The following IFI16 variants were observed in gnomAD, a reference collection of about 807,000 sequenced individuals.
The protein encoded by IFI16 is interferon gamma inducible protein 16.
Under a neutral mutation model 68.4 loss-of-function variants are expected in IFI16, and 49 were observed. The ratio of observed to expected loss-of-function variants is 0.72; its 90% CI spans 0.57 to 0.91. The LOEUF (loss-of-function observed/expected upper bound fraction) is 0.91, where lower values mean the gene tolerates loss of function less well. Among genes scored for constraint, IFI16 ranks in the 40% least tolerant of loss-of-function variants. The pLI is 0.00. For missense variants in IFI16, 878 were observed against 942.9 expected (o/e 0.93, Z 0.90); for synonymous variants, 307 against 315.0 (o/e 0.97, Z 0.27).
At chr1:159,006,566 G>T (rs1652267174), upstream of IFI16, among the ~76,000 whole-genome samples, 2 of 152,144 alleles carry the variant, frequency 1.3e-5, no homozygotes, top group African/African-American at 4.8e-5. Flanking sequence ...ACTAAAGGGG[G>T]TTGGGTAAGG....
chr1:159,020,311 C>A (rs764301901), intron 5 of IFI16, 30 bp from the exon 6 acceptor site: 18 of 1,524,570 alleles, frequency 1.2e-5, no homozygotes, highest in Non-Finnish European at 1.6e-5. Context: ...ATTACATTCT[C>A]AGGAACAGAA....
At chr1:159,028,392 A>AT (rs531096902) in intron 6 of IFI16, among the ~76,000 whole-genome samples, 183 of 150,064 alleles carry the variant, frequency 1.2e-3, no homozygotes, top group African/African-American at 2.0e-3. Context: ...TATAATTTCA[A>AT]TTTTTTTTTT....
upstream of IFI16, among the ~76,000 whole-genome samples, chr1:159,002,554 T>C (rs763478171): frequency 3.1e-4 from 47 of 152,354 alleles, no homozygotes; most frequent in Middle Eastern, 6.8e-3. Context: ...ACCGTTACTA[T>C]TACCTCATAC....
intron 9 of IFI16, among the ~76,000 whole-genome samples, chr1:159,050,368 T>C (rs776305225): frequency 2.6e-5 from 4 of 152,208 alleles, no homozygotes; most frequent in Non-Finnish European, 4.4e-5. Context: ...TCAGAGTAGC[T>C]TTATAATTAT....
chr1:159,018,712 A>T, intron 5 of IFI16, 61 bp downstream of exon 5: 25 of 1,160,550 alleles, frequency 2.2e-5, no homozygotes, highest in Non-Finnish European at 3.0e-5. Context: ...AAAAGTCTTG[A>T]TGTGTGAGAT....
intron 6 of IFI16, among the ~76,000 whole-genome samples, chr1:159,027,255 A>T (rs1379370461): frequency 6.6e-6 from 1 of 152,090 alleles, no homozygotes; most frequent in Admixed American, 6.5e-5. Context: ...GATTTTGTCA[A>T]ATGCTTTTTT....
chr1:159,022,334 T>G (rs1653388441), intron 6 of IFI16, among the ~76,000 whole-genome samples: 1 of 152,218 alleles, frequency 6.6e-6, no homozygotes, highest in Admixed American at 6.5e-5. Context: ...ATAAATAGCA[T>G]TTGAATATCA....
intron 10 of IFI16, chr1:159,053,272 G>A (rs1557884869): frequency 3.4e-6 from 1 of 293,828 alleles, no homozygotes; most frequent in Non-Finnish European, 6.3e-6. Flanking sequence ...GTGGAAACAG[G>A]AAGAATTAGG....
chr1:159,006,551 T>C (rs886950636), upstream of IFI16, among the ~76,000 whole-genome samples: 1 of 152,280 alleles, frequency 6.6e-6, no homozygotes, highest in African/African-American at 2.4e-5. Flanking sequence ...CCAGGCCAAC[T>C]CCTTACTAAA....
At position 159,032,611 on chromosome 1, in the gene IFI16, G is replaced by T. The variant is rs1281535672; in HGVS notation, c.1249G>T (p.Ala417Ser). 8 of 1,612,568 alleles carry T rather than the reference G, an allele frequency of 5.0e-6. No homozygotes were observed. The highest frequency in any genetic ancestry group is 6.8e-6 in the Non-Finnish European group (8 of 1,179,276). The change falls in exon 7 of 12, where the codon GCC becomes TCC. Residue 417 changes from alanine (A) to serine (S), a missense_variant. Around this residue, in one of 4 missense-constraint regions of IFI16, gnomAD observed 443 missense variants for 421.8 expected, o/e 1.05. Transcript: ENST00000295809. ...GCGTCAGCTTCCATATCCTTCAGAGGCCAGCACAACCTTCCCTGAGAGCCA... is the reference window on the plus strand; with the variant it reads ...GCGTCAGCTTCCATATCCTTCAGAGTCCAGCACAACCTTCCCTGAGAGCCA... ...EQRQLPYPSE[A>S]STTFPESHLR...
At chr1:159,047,190 G>C (rs532154912) in intron 8 of IFI16, among the ~76,000 whole-genome samples, 20 of 151,382 alleles carry the variant, frequency 1.3e-4, no homozygotes, top group Non-Finnish European at 1.9e-4. Context: ...CCCGGCCCAG[G>C]TTGCGGACCC....
At chr1:159,050,084 A>C (rs1340374670) in intron 9 of IFI16, among the ~76,000 whole-genome samples, 1 of 152,230 alleles carries the variant, frequency 6.6e-6, no homozygotes, top group Non-Finnish European at 1.5e-5. Context: ...TATACCTTTC[A>C]GTATGTATAT....
At chr1:159,042,656 C>T (rs1371547610) in intron 7 of IFI16, among the ~76,000 whole-genome samples, 1 of 152,170 alleles carries the variant, frequency 6.6e-6, no homozygotes, top group South Asian at 2.1e-4. Context: ...TCATTGTTTG[C>T]CTTCATAGGT....
chr1:159,028,945 G>A (rs1357643086), intron 6 of IFI16, among the ~76,000 whole-genome samples: 2 of 152,062 alleles, frequency 1.3e-5, no homozygotes, highest in Non-Finnish European at 2.9e-5. Context: ...TCATTTTGCT[G>A]TTCTGTATGC....
intron 11 of IFI16, among the ~76,000 whole-genome samples, chr1:159,054,481 C>G (rs557041860): frequency 5.9e-5 from 9 of 152,292 alleles, no homozygotes; most frequent in Non-Finnish European, 1.0e-4. Flanking sequence ...GTACTCTCCC[C>G]CTTCCTTCTG....
At chr1:159,034,297 A>G (rs554418150) in intron 7 of IFI16, among the ~76,000 whole-genome samples, 1 of 152,170 alleles carries the variant, frequency 6.6e-6, no homozygotes, top group Non-Finnish European at 1.5e-5. Flanking sequence ...CTCACTATTA[A>G]TTAAGTATAT....
At chr1:159,018,139 G>T in intron 4 of IFI16, 90 bp from the exon 5 acceptor site, 1 of 1,068,480 alleles carries the variant, frequency 9.4e-7, no homozygotes, top group East Asian at 2.4e-5. Context: ...GCAAGTTTTG[G>T]GGCCCTGTGT....
intron 8 of IFI16, 93 bp from the exon 9 acceptor site, chr1:159,049,339 C>G: frequency 1.5e-6 from 1 of 654,582 alleles, no homozygotes; most frequent in Non-Finnish European, 2.6e-6. Flanking sequence ...AAGTGAACAT[C>G]CTATTTAAAA....
At chr1:159,029,956 A>C (rs2101865017) in intron 6 of IFI16, among the ~76,000 whole-genome samples, 1 of 82,494 alleles carries the variant, frequency 1.2e-5, no homozygotes, top group South Asian at 4.0e-4. Context: ...TGCTGGGATT[A>C]CAGGCATGAG....
Sources: gnomAD v4.1 joint callset for allele counts (sites outside exome capture counted in the v4.1 genomes callset) on GRCh38, gnomAD v4.1.1 for gene constraint, gnomAD v4.1.1 regional missense constraint, MANE v1.5 for transcripts, NCBI Gene and HGNC (gene_info 2026-07-23, HGNC 2026-07-21) for gene names.